FAM210A: variants seen among roughly 807,000 people sequenced by gnomAD.
FAM210A encodes mitochondrial inner membrane scaffold 1.
A neutral mutation model predicts 25.3 loss-of-function variants in FAM210A; 13 were observed. The ratio of observed to expected loss-of-function variants is 0.51; its 90% CI spans 0.33 to 0.82. FAM210A has a LOEUF of 0.82. Ranked by LOEUF, FAM210A falls within the 40% of genes least tolerant of loss-of-function variation. The probability of loss-of-function intolerance (pLI) is 0.02; values close to 1 mark genes in which losing one functional copy is unlikely to be tolerated. For synonymous variants in FAM210A, 125 were observed against 118.7 expected, an observed-to-expected ratio of 1.05 and a Z score of -0.35; for missense variants, 319 against 323.2, an observed-to-expected ratio of 0.99 and a Z score of 0.10.
chr18:13,671,137 G>C (rs970748581), intron 3 of FAM210A, among the ~76,000 whole-genome samples: 1 of 151,906 alleles, frequency 6.6e-6, no homozygotes, highest in Non-Finnish European at 1.5e-5. Context: ...GCTAAGAAAA[G>C]ATGAATTATT....
At chr18:13,684,816 T>C (rs1185462523) in intron 1 of FAM210A, among the ~76,000 whole-genome samples, 2 of 152,176 alleles carry the variant, frequency 1.3e-5, no homozygotes, top group East Asian at 1.9e-4. Context: ...CCATTAAATA[T>C]ACTGTAACAA....
rs2043376570 is a variant in FAM210A, at chr18:13,663,525, C to T, written c.*2955G>A. On this transcript the variant is annotated 3_prime_UTR_variant, in exon 4 of 4. Coordinates refer to ENST00000651643, the MANE Select transcript of FAM210A (RefSeq NM_152352.4). The stretch of plus-strand genomic sequence containing the variant: ...GGTTTTGCTCTTATTCCTGAATAAA[C>T]TAAGTCTCTCACCTAATCCATCTTT... 1 of 152,144 alleles carries T rather than the reference C, an allele frequency of 6.6e-6. No homozygotes were observed. The highest frequency in any genetic ancestry group is 2.4e-5 in the African/African-American group (1 of 41,418). 9.4% of individuals were successfully genotyped at this position (152,144 alleles called of 1,614,324 possible).
At chr18:13,679,741 A>C (rs1436925288) in intron 2 of FAM210A, among the ~76,000 whole-genome samples, 1 of 152,196 alleles carries the variant, frequency 6.6e-6, no homozygotes, top group Admixed American at 6.5e-5. Flanking sequence ...TTGTATCACC[A>C]TGTTTACATA....
chr18:13,679,010 A>T (rs906152530), intron 2 of FAM210A, among the ~76,000 whole-genome samples: 2 of 152,240 alleles, frequency 1.3e-5, no homozygotes, highest in African/African-American at 4.8e-5. Context: ...TTTGCCAGAT[A>T]GGAGCGGCAA....
At chr18:13,695,215 C>T (rs2043682230) in intron 1 of FAM210A, among the ~76,000 whole-genome samples, 1 of 152,154 alleles carries the variant, frequency 6.6e-6, no homozygotes, top group Non-Finnish European at 1.5e-5. Flanking sequence ...CAGGAAACAA[C>T]AGATGCTGGA....
chr18:13,677,111 G>T (rs1463497748), intron 2 of FAM210A, among the ~76,000 whole-genome samples: 1 of 143,734 alleles, frequency 7.0e-6, no homozygotes, highest in African/African-American at 2.6e-5. Context: ...GTCTCGCTCT[G>T]TCGCCCAGGC....
At chr18:13,689,363 T>C (rs927434695) in intron 1 of FAM210A, among the ~76,000 whole-genome samples, 3 of 152,156 alleles carry the variant, frequency 2.0e-5, no homozygotes, top group Admixed American at 1.3e-4. Context: ...TAACCCACCA[T>C]ATCAACAGGC....
chr18:13,679,513 A>G (rs1341109232), intron 2 of FAM210A, among the ~76,000 whole-genome samples: 2 of 152,176 alleles, frequency 1.3e-5, no homozygotes, highest in East Asian at 3.8e-4. Flanking sequence ...GAATAAATTG[A>G]CTTTCAAATT....
At chr18:13,720,193 A>G (rs1211800307) in intron 1 of FAM210A, among the ~76,000 whole-genome samples, 1 of 152,186 alleles carries the variant, frequency 6.6e-6, no homozygotes, top group Non-Finnish European at 1.5e-5. Flanking sequence ...AAGGTTCTAC[A>G]CTGTATCTCC....
intron 1 of FAM210A, among the ~76,000 whole-genome samples, chr18:13,722,520 TG>T (rs1483205363): frequency 2.0e-5 from 3 of 152,176 alleles, no homozygotes; most frequent in Admixed American, 6.5e-5. Context: ...CTGCTTCTAC[TG>T]GCAAAAAAGA....
chr18:13,688,720 G>T (rs570526050), intron 1 of FAM210A, among the ~76,000 whole-genome samples: 1 of 152,232 alleles, frequency 6.6e-6, no homozygotes, highest in African/African-American at 2.4e-5. Context: ...AGCGGATAAC[G>T]CTGCTGTCTG....
intron 2 of FAM210A, among the ~76,000 whole-genome samples, chr18:13,676,599 A>G (rs912510468): frequency 1.3e-5 from 2 of 152,264 alleles, no homozygotes; most frequent in African/African-American, 2.4e-5. Flanking sequence ...ATTCACCTAC[A>G]TAAGCATCAC....
rs570054320 is a variant in FAM210A at position 13,719,324 on chromosome 18, C to A, written c.-29+7005G>T. Among the ~76,000 whole-genome samples the A allele has an allele frequency of 1.8e-4, 27 of 152,272 alleles. 1 individual carries two copies. In the East Asian group the frequency reaches 5.0e-3, roughly 28 times the overall value. The stretch of plus-strand genomic sequence containing the variant: ...ATCAAGAAATCCAAATAAAATACCA[C>A]GTTTAATTCAATTTATCACGTCCAA... On this transcript the variant is annotated intron_variant, in intron 1 of 3. Transcript: ENST00000651643.
chr18:13,712,606 T>C (rs980030192), intron 1 of FAM210A, among the ~76,000 whole-genome samples: 2 of 152,124 alleles, frequency 1.3e-5, no homozygotes, highest in Non-Finnish European at 2.9e-5. Flanking sequence ...AGAGAGCTCA[T>C]GGACCCTCTA....
At chr18:13,679,025 G>A (rs1214950877) in intron 2 of FAM210A, among the ~76,000 whole-genome samples, 1 of 152,174 alleles carries the variant, frequency 6.6e-6, no homozygotes, top group Non-Finnish European at 1.5e-5. Flanking sequence ...CGGCAACAAA[G>A]CTCAGTTTAA....
At chr18:13,668,886 G>A (rs1268563615) in intron 3 of FAM210A, among the ~76,000 whole-genome samples, 1 of 152,170 alleles carries the variant, frequency 6.6e-6, no homozygotes, top group African/African-American at 2.4e-5. Context: ...TGTAGTCCAT[G>A]GTTAACCGAA....
At chr18:13,679,281 C>T (rs1297206240) in intron 2 of FAM210A, among the ~76,000 whole-genome samples, 1 of 152,132 alleles carries the variant, frequency 6.6e-6, no homozygotes, top group Non-Finnish European at 1.5e-5. Flanking sequence ...AGTAAGTAGG[C>T]AACAAGCAAA....
intron 1 of FAM210A, among the ~76,000 whole-genome samples, chr18:13,682,798 G>C (rs1261370461): frequency 6.6e-6 from 1 of 152,162 alleles, no homozygotes; most frequent in East Asian, 1.9e-4. Context: ...GAACCCAGGA[G>C]GTGGAGATTG....
intron 1 of FAM210A, among the ~76,000 whole-genome samples, chr18:13,699,441 C>A (rs1026561942): frequency 2.6e-5 from 4 of 152,066 alleles, no homozygotes; most frequent in African/African-American, 9.7e-5. Context: ...TCATTAATTT[C>A]CAGAGCAGTC....
Sources: gnomAD v4.1 joint callset for allele counts (sites outside exome capture counted in the v4.1 genomes callset) on GRCh38, gnomAD v4.1.1 for gene constraint, MANE v1.5 for transcripts, NCBI Gene and HGNC (gene_info 2026-07-23, HGNC 2026-07-21) for gene names.